The following ASTN1 variants were observed in gnomAD, a reference collection of about 807,000 sequenced individuals.
ASTN1 encodes the protein astrotactin-1.
ASTN1 carries 41 observed loss-of-function variants against 140.7 expected under a neutral mutation model. That is an observed-to-expected ratio of 0.29 (90% CI 0.23 to 0.38). The LOEUF is 0.38. Ranked by LOEUF, ASTN1 falls within the 10% of genes least tolerant of loss-of-function variation. The probability of loss-of-function intolerance (pLI) is 1.00; values close to 1 mark genes in which losing one functional copy is unlikely to be tolerated. For missense variants in ASTN1, 1,479 were observed against 1,678.8 expected (o/e 0.88, Z 2.08); for synonymous variants, 640 against 652.2 (o/e 0.98, Z 0.29).
intron 1 of ASTN1, among the ~76,000 whole-genome samples, chr1:177,075,308 G>A (rs551874712): frequency 3.3e-5 from 5 of 151,886 alleles, no homozygotes; most frequent in East Asian, 3.9e-4. Context: ...TCCTGACCTC[G>A]TGATCCACCC....
chr1:176,921,688 C>T (rs1670730014), intron 16 of ASTN1, among the ~76,000 whole-genome samples: 1 of 152,100 alleles, frequency 6.6e-6, no homozygotes, highest in Admixed American at 6.5e-5. Context: ...GTTTTTATGT[C>T]CAGCCTGTTC....
Position 177,080,585 on chromosome 1 carries a change from C to T in ASTN1, c.284-19320G>A, listed in dbSNP as rs1232304983. Among the ~76,000 whole-genome samples, 3 of 152,288 alleles carry T rather than the reference C, an allele frequency of 2.0e-5. No homozygotes were observed. The East Asian group carries it at 5.8e-4, about 29-fold the overall frequency. On this transcript the variant is annotated intron_variant, in intron 1 of 22. Coordinates refer to ENST00000361833, the MANE Select transcript of ASTN1 (RefSeq NM_004319.3). The stretch of plus-strand genomic sequence containing the variant: ...AAAATATGAGGTTAATTGACTTTCT[C>T]AAAATCACGCCATGAAACAGGATTA...
intron 7 of ASTN1, among the ~76,000 whole-genome samples, chr1:177,015,180 CT>C (rs1408748450): frequency 2.6e-5 from 4 of 152,100 alleles, no homozygotes; most frequent in African/African-American, 9.7e-5. Flanking sequence ...AGGAAAAGGA[CT>C]TTTTCATCTT....
chr1:177,059,655 G>A (rs183710813), intron 2 of ASTN1, among the ~76,000 whole-genome samples: 1 of 152,248 alleles, frequency 6.6e-6, no homozygotes, highest in African/African-American at 2.4e-5. Flanking sequence ...CATGGGTTGA[G>A]GAAGAAATAG....
chr1:177,023,440 G>C lies in ASTN1; in HGVS notation c.1402C>G (p.Leu468Val). The stretch of plus-strand genomic sequence containing the variant: ...TCACATTGGTGTTCACAGGGGTCCA[G>C]GAGCCGCCGGGCACAGAGGTCCATG... ...WAMDLCARRLLDPCEHQCDPE... is the reference protein window; with the variant it reads ...WAMDLCARRLVDPCEHQCDPE... The change falls in exon 7 of 23, where the codon CTG becomes GTG. Residue 468 changes from leucine to valine, a missense_variant. This residue lies in a region of ASTN1 where 729 missense variants were observed against 860.4 expected (regional missense o/e 0.85). Transcript: ENST00000361833. 1.2e-6 allele frequency: 2 copies of C among 1,603,552 alleles called. No individual in the cohort carries two copies. Among genetic ancestry groups the C allele is most frequent in the Non-Finnish European group, 1.7e-6 (2 of 1,175,272 alleles).
chr1:177,064,968 T>A (rs1451455155), intron 1 of ASTN1, among the ~76,000 whole-genome samples: 1 of 152,220 alleles, frequency 6.6e-6, no homozygotes, highest in Admixed American at 6.5e-5. Flanking sequence ...GTAATCATAC[T>A]GGTCTGGATC....
chr1:176,882,449 A>G (rs545141771), intron 20 of ASTN1, among the ~76,000 whole-genome samples: 12 of 152,266 alleles, frequency 7.9e-5, no homozygotes, highest in African/African-American at 2.4e-4. Flanking sequence ...AGCCTAGTAT[A>G]CCTTTTCCAA....
At chr1:177,057,934 C>T (rs140216321) in intron 2 of ASTN1, among the ~76,000 whole-genome samples, 4 of 152,278 alleles carry the variant, frequency 2.6e-5, no homozygotes, top group African/African-American at 9.6e-5. Flanking sequence ...AGTCTACCAC[C>T]ACTTGAGTCT....
At chr1:177,134,879 A>G (rs577379651) in intron 1 of ASTN1, among the ~76,000 whole-genome samples, 1 of 152,298 alleles carries the variant, frequency 6.6e-6, no homozygotes, top group Admixed American at 6.5e-5. Flanking sequence ...GTCCAAAGCT[A>G]CCCATTTTGG....
intron 16 of ASTN1, among the ~76,000 whole-genome samples, chr1:176,911,993 G>A (rs538535046): frequency 2.0e-5 from 3 of 152,248 alleles, no homozygotes; most frequent in African/African-American, 4.8e-5. Context: ...GCTACATTAC[G>A]ATCTTATGGG....
chr1:176,989,676 G>A (rs1362579602), intron 8 of ASTN1, among the ~76,000 whole-genome samples: 1 of 152,132 alleles, frequency 6.6e-6, no homozygotes, highest in Non-Finnish European at 1.5e-5. Flanking sequence ...AAGAAGAGAA[G>A]AGAAAATAAA....
At chr1:177,030,750 T>C in intron 4 of ASTN1, 56 bp downstream of exon 4, 2 of 1,604,246 alleles carry the variant, frequency 1.2e-6, no homozygotes, top group Middle Eastern at 1.7e-4. Context: ...TTAATGGCCC[T>C]GCCTCTACCA....
At chr1:177,145,641 G>A (rs894360937) in intron 1 of ASTN1, among the ~76,000 whole-genome samples, 1 of 152,212 alleles carries the variant, frequency 6.6e-6, no homozygotes, top group East Asian at 1.9e-4. Flanking sequence ...GCAGAAAGAG[G>A]AGACCAGGAA....
intron 1 of ASTN1, among the ~76,000 whole-genome samples, chr1:177,063,515 G>A (rs899793095): frequency 1.3e-5 from 2 of 152,120 alleles, no homozygotes; most frequent in African/African-American, 4.8e-5. Flanking sequence ...CAGGAAAAGA[G>A]TCCCTCTTTC....
chr1:177,023,880 A>T (rs377211135), intron 6 of ASTN1, among the ~76,000 whole-genome samples: 1 of 152,124 alleles, frequency 6.6e-6, no homozygotes, highest in African/African-American at 2.4e-5. Context: ...TGGCCATGGC[A>T]TGGCTCCATC....
chr1:176,865,721 G>A (rs188507737), intron 22 of ASTN1, among the ~76,000 whole-genome samples: 7 of 152,272 alleles, frequency 4.6e-5, no homozygotes, highest in African/African-American at 1.4e-4. Context: ...GTATTAGTCC[G>A]TTTTCATGCT....
intron 21 of ASTN1, among the ~76,000 whole-genome samples, chr1:176,872,791 G>A (rs538859134): frequency 6.6e-5 from 10 of 152,070 alleles, no homozygotes; most frequent in Admixed American, 1.3e-4. Context: ...GATCTGGAAC[G>A]ATCTTCCCCT....
chr1:177,163,636 T>C (rs985632943), intron 1 of ASTN1, among the ~76,000 whole-genome samples: 1 of 152,178 alleles, frequency 6.6e-6, no homozygotes, highest in African/African-American at 2.4e-5. Flanking sequence ...TCATTCTGTG[T>C]GCAGGAATGC....
intron 1 of ASTN1, among the ~76,000 whole-genome samples, chr1:177,157,859 A>AT (rs1268680917): frequency 2.6e-5 from 4 of 151,878 alleles, no homozygotes; most frequent in Non-Finnish European, 5.9e-5. Context: ...AAATTGTACT[A>AT]TTTTTTTCAG....
Sources: gnomAD v4.1 joint callset for allele counts (sites outside exome capture counted in the v4.1 genomes callset) on GRCh38, gnomAD v4.1.1 for gene constraint, gnomAD v4.1.1 regional missense constraint, MANE v1.5 for transcripts, NCBI Gene and HGNC (gene_info 2026-07-23, HGNC 2026-07-21) for gene names.